The following USP7 variants were observed in gnomAD, a reference collection of about 807,000 sequenced individuals.
The protein encoded by USP7 is ubiquitin C-terminal hydrolase 7.
USP7 carries 9 observed loss-of-function variants against 162.9 expected under a neutral mutation model. That is an observed-to-expected ratio of 0.06 (90% CI 0.03 to 0.10). The LOEUF is 0.10. Among genes scored for constraint, USP7 ranks in the 10% least tolerant of loss-of-function variants. The probability of loss-of-function intolerance (pLI) is 1.00; values close to 1 mark genes in which losing one functional copy is unlikely to be tolerated. For missense variants in USP7, 715 were observed against 1,373.7 expected (o/e 0.52, Z 7.58); for synonymous variants, 562 against 475.9 (o/e 1.18, Z -2.35).
intron 1 of USP7, among the ~76,000 whole-genome samples, chr16:8,959,744 C>T (rs1365617674): frequency 6.6e-6 from 1 of 152,176 alleles, no homozygotes; most frequent in East Asian, 1.9e-4. Flanking sequence ...TTCAAGAGAA[C>T]TCACATTCTA....
At chr16:8,923,941 A>G (rs148362610) in intron 2 of USP7, among the ~76,000 whole-genome samples, 1 of 152,276 alleles carries the variant, frequency 6.6e-6, no homozygotes, top group African/African-American at 2.4e-5. Flanking sequence ...GCCTGATAAT[A>G]AATGCTAACC....
intron 3 of USP7, among the ~76,000 whole-genome samples, chr16:8,922,012 G>A (rs1035361817): frequency 6.6e-6 from 1 of 152,184 alleles, no homozygotes; most frequent in African/African-American, 2.4e-5. Context: ...TGCTCGGGAC[G>A]CTGACACTGG....
At chr16:8,896,881 G>A (rs2061689299) in intron 26 of USP7, 118 bp downstream of exon 26, 1 of 787,684 alleles carries the variant, frequency 1.3e-6, no homozygotes, top group South Asian at 1.5e-5. Context: ...ACCCCACTGA[G>A]TCTGGGAATG....
intron 13 of USP7, 147 bp from the exon 14 acceptor site, chr16:8,905,478 A>G (rs1205606136): frequency 2.0e-6 from 2 of 978,762 alleles, no homozygotes; most frequent in African/African-American, 1.6e-5. Flanking sequence ...ACAGGCACAC[A>G]ATCTGACGGT....
At chr16:8,897,357 G>T (rs547802859) in intron 25 of USP7, 1 of 441,064 alleles carries the variant, frequency 2.3e-6, no homozygotes, top group East Asian at 4.1e-5. Flanking sequence ...GTCATTTACA[G>T]AACACCTTCT....
rs181011580 is a variant in USP7, at chr16:8,911,421, C to T, written c.1079-594G>A. Among the ~76,000 whole-genome samples the T allele has an allele frequency of 1.3e-3, 199 of 152,312 alleles. 1 individual carries two copies. The highest frequency in any genetic ancestry group is 5.6e-3 in the Admixed American group (86 of 15,304). On this transcript the variant is annotated intron_variant, in intron 10 of 30. Coordinates refer to ENST00000344836, the MANE Select transcript of USP7 (RefSeq NM_003470.3). ...AATGGTAACATTAAGAGTGAAAGGGCGAGCCACATGCTGAGTGACAAGCTC... is the reference window on the plus strand; with the variant it reads ...AATGGTAACATTAAGAGTGAAAGGGTGAGCCACATGCTGAGTGACAAGCTC...
intron 3 of USP7, among the ~76,000 whole-genome samples, chr16:8,922,958 C>G (rs999429761): frequency 6.6e-6 from 1 of 152,200 alleles, no homozygotes; most frequent in Non-Finnish European, 1.5e-5. Flanking sequence ...CCTGGTGGCT[C>G]AATGGTCAGC....
At chr16:8,953,275 G>GCTCCTT (rs1401700817) in intron 1 of USP7, among the ~76,000 whole-genome samples, 1 of 152,030 alleles carries the variant, frequency 6.6e-6, no homozygotes, top group African/African-American at 2.4e-5. Context: ...CGTGTTCAGG[G>GCTCCTT]CTCCTTCACT....
At chr16:8,927,495 TG>T (rs1898078669) in intron 2 of USP7, among the ~76,000 whole-genome samples, 1 of 152,116 alleles carries the variant, frequency 6.6e-6, no homozygotes, top group East Asian at 1.9e-4. Flanking sequence ...ATTAGTTTCA[TG>T]GAGAACAACA....
intron 15 of USP7, among the ~76,000 whole-genome samples, chr16:8,903,908 G>A (rs1263426732): frequency 6.6e-6 from 1 of 151,726 alleles, no homozygotes; most frequent in Non-Finnish European, 1.5e-5. Flanking sequence ...AAAGGAGACT[G>A]TGTTTCACTG....
chr16:8,910,484 CG>C (rs2061929346), intron 11 of USP7, among the ~76,000 whole-genome samples: 1 of 152,112 alleles, frequency 6.6e-6, no homozygotes, highest in African/African-American at 2.4e-5. Flanking sequence ...AGGTGAGGAA[CG>C]GGGAAAGGAC....
In USP7 at chr16:8,892,710, T is replaced by C. The variant is rs74709536; in HGVS notation, c.*1288A>G. 2.6e-5 allele frequency: 4 copies of C among 151,462 alleles called. No homozygotes were observed. In the East Asian group the frequency reaches 7.8e-4, roughly 29 times the overall value. 9.4% of individuals were successfully genotyped at this position (151,462 alleles called of 1,614,324 possible). ...TGAAACCTTGTTACAAATGCCAAGG[T>C]TTCCCAGGCCTGTTTCCAGGGAGAG... On this transcript the variant is annotated 3_prime_UTR_variant, in exon 31 of 31. Transcript: ENST00000344836.
At chr16:8,894,513 A>C (rs1219269423) in intron 30 of USP7, 37 bp downstream of exon 30, 2 of 1,569,866 alleles carry the variant, frequency 1.3e-6, no homozygotes, top group South Asian at 2.3e-5. Flanking sequence ...CTTAGTCTGA[A>C]ACCCACACCA....
At chr16:8,895,455 T>A (rs1185201162) in intron 27 of USP7, among the ~76,000 whole-genome samples, 187 bp downstream of exon 27, 1 of 152,232 alleles carries the variant, frequency 6.6e-6, no homozygotes, top group Non-Finnish European at 1.5e-5. Flanking sequence ...TGGATTGGGT[T>A]GGTAACCCAA....
At chr16:8,930,460 A>G in intron 1 of USP7, 63 bp from the exon 2 acceptor site, 1 of 1,166,110 alleles carries the variant, frequency 8.6e-7, no homozygotes, top group Non-Finnish European at 1.2e-6. Context: ...AATAAGCAAA[A>G]TATAAACTTA....
rs1050315230 is a variant in USP7 at position 8,963,451 on chromosome 16, G to GGGCGGC, written c.-172_-167dup. The GGGCGGC allele has an allele frequency of 7.0e-5, 10 of 143,634 alleles. No individual in the cohort carries two copies. Among genetic ancestry groups the GGGCGGC allele is most frequent in the African/African-American group, 2.3e-4 (9 of 39,744 alleles). 8.9% of individuals were successfully genotyped at this position (143,634 alleles called of 1,614,324 possible). ...CGGCGGCCCCGGGGCGGCCCGCGGCGGGCGGCGGCGGCGGCAGGGAGACGC... is the reference window on the plus strand; with the variant it reads ...CGGCGGCCCCGGGGCGGCCCGCGGCGGGCGGCGGCGGCGGCGGCGGCAGGGAGACGC... On this transcript the variant is annotated 5_prime_UTR_variant, in exon 1 of 31. Coordinates refer to ENST00000344836, the MANE Select transcript of USP7 (RefSeq NM_003470.3).
chr16:8,925,946 A>T (rs146622308), intron 2 of USP7, among the ~76,000 whole-genome samples: 225 of 150,594 alleles, frequency 1.5e-3, no homozygotes, highest in African/African-American at 5.1e-3. Flanking sequence ...CGAGGTCAGG[A>T]GATCGAGACC....
rs1458841352 is a variant in USP7, at chr16:8,892,122, T to A, written c.*1876A>T. On this transcript the variant is annotated 3_prime_UTR_variant, in exon 31 of 31. Coordinates refer to ENST00000344836, the MANE Select transcript of USP7 (RefSeq NM_003470.3). ...TTTGGAAAAAGAGTCATTTAATACC[T>A]TAAGGGAGAGTAGGAACTTTCAGTT... 2 of 152,110 alleles carry A rather than the reference T, an allele frequency of 1.3e-5. No homozygotes were observed. The highest frequency in any genetic ancestry group is 4.8e-5 in the African/African-American group (2 of 41,390). 9.4% of individuals were successfully genotyped at this position (152,110 alleles called of 1,614,324 possible). A position where few individuals can be genotyped will look rare whatever the true frequency, so the allele number is the denominator to read the frequency against.
At position 8,892,952 on chromosome 16, in the gene USP7, G is replaced by A. The variant is rs572051575; in HGVS notation, c.*1046C>T. ...TGCACTCAAAACTAGACACGCAGCT[G>A]GCATTAGCTCCAAAATAAAAGGAAA... On this transcript the variant is annotated 3_prime_UTR_variant, in exon 31 of 31. Coordinates refer to ENST00000344836, the MANE Select transcript of USP7 (RefSeq NM_003470.3). 2 of 152,118 alleles carry A rather than the reference G, an allele frequency of 1.3e-5. No homozygotes were observed. Among genetic ancestry groups the A allele is most frequent in the African/African-American group, 2.4e-5 (1 of 41,428 alleles). 9.4% of individuals were successfully genotyped at this position (152,118 alleles called of 1,614,324 possible).
Sources: gnomAD v4.1 joint callset for allele counts (sites outside exome capture counted in the v4.1 genomes callset) on GRCh38, gnomAD v4.1.1 for gene constraint, MANE v1.5 for transcripts, NCBI Gene and HGNC (gene_info 2026-07-23, HGNC 2026-07-21) for gene names.